Variants in RAPGEF6 observed in about 807,000 individuals in gnomAD.
RAPGEF6 encodes PDZ domain containing guanine nucleotide exchange factor (GEF) 2.
RAPGEF6 carries 56 observed loss-of-function variants against 171.4 expected under a neutral mutation model. The ratio of observed to expected loss-of-function variants is 0.33; its 90% CI spans 0.26 to 0.41. The LOEUF (loss-of-function observed/expected upper bound fraction) is 0.41. RAPGEF6 is among the 10% of genes least tolerant of loss of function. RAPGEF6 has a pLI of 1.00. For missense variants in RAPGEF6, 1,674 were observed against 1,921.4 expected, an observed-to-expected ratio of 0.87 and a Z score of 2.41; for synonymous variants, 692 against 650.1, an observed-to-expected ratio of 1.06 and a Z score of -0.98.
intron 5 of RAPGEF6, among the ~76,000 whole-genome samples, chr5:131,548,532 T>C (rs1269853707): frequency 6.6e-6 from 1 of 152,230 alleles, no homozygotes; most frequent in African/African-American, 2.4e-5. Context: ...TGCCTGATTA[T>C]ACACATATTT....
chr5:131,463,006 T>G (rs1357565945), intron 18 of RAPGEF6, among the ~76,000 whole-genome samples: 1 of 152,214 alleles, frequency 6.6e-6, no homozygotes, highest in Non-Finnish European at 1.5e-5. Flanking sequence ...CATTTAATCC[T>G]TACAACATTC....
At chr5:131,524,609 T>TGAGAGAGAGAGAGAGA (rs55956395) in intron 6 of RAPGEF6, among the ~76,000 whole-genome samples, 2 of 134,906 alleles carry the variant, frequency 1.5e-5, no homozygotes, top group African/African-American at 5.7e-5. Flanking sequence ...AGAGAGAGAT[T>TGAGAGAGAGAGAGAGA]GAGAGAGAGA....
chr5:131,433,483 C>G lies in RAPGEF6; in HGVS notation c.3921G>C (p.Leu1307Phe), dbSNP rs1198362515. ...ALAVPESTGALEKTEHASGIG... is the reference protein window; with the variant it reads ...ALAVPESTGAFEKTEHASGIG... ...TCCCTGAAGCGTGCTCTGTCTTTTC[C>G]AATGCCCCAGTGGATTCAGGGACTG... The change falls in exon 25 of 28, where the codon TTG (leucine) becomes TTC (phenylalanine). Residue 1307 changes from leucine to phenylalanine, a missense_variant. Physicochemically the swap from Leu to Phe is conservative, Grantham distance 22. Coordinates refer to ENST00000509018, the MANE Select transcript of RAPGEF6 (RefSeq NM_016340.6). 6.2e-7 allele frequency: 1 copy of G among 1,613,954 alleles called. No individual in the cohort carries two copies.
At chr5:131,518,159 T>A (rs1758221696) in intron 7 of RAPGEF6, among the ~76,000 whole-genome samples, 1 of 151,932 alleles carries the variant, frequency 6.6e-6, no homozygotes, top group Non-Finnish European at 1.5e-5. Context: ...CAGGTATATA[T>A]ATTTATTTAA....
At chr5:131,517,363 T>C (rs1019722357) in intron 7 of RAPGEF6, among the ~76,000 whole-genome samples, 3 of 151,712 alleles carry the variant, frequency 2.0e-5, no homozygotes, top group Admixed American at 6.6e-5. Context: ...AATCTATATA[T>C]AGTCTTCTGC....
In RAPGEF6 at chr5:131,592,373, G is replaced by A. The variant is rs1479413006; in HGVS notation, c.281+10C>T. On this transcript the variant is annotated intron_variant, in intron 4 of 27. Coordinates refer to ENST00000509018, the MANE Select transcript of RAPGEF6 (RefSeq NM_016340.6). ...TAACTTTGCCTGCCATATAGCAAAT[G>A]TAAACGTACCTGCAAGGAGGCAAGA... The A allele has an allele frequency of 6.2e-7, 1 of 1,612,506 alleles. No homozygotes were observed. The highest frequency in any genetic ancestry group is 8.5e-7 in the Non-Finnish European group (1 of 1,179,088).
chr5:131,614,691 A>G (rs935176901), intron 1 of RAPGEF6, among the ~76,000 whole-genome samples: 4 of 152,216 alleles, frequency 2.6e-5, no homozygotes, highest in African/African-American at 9.7e-5. Flanking sequence ...GGTCTACAAC[A>G]TACGCAATGG....
intron 7 of RAPGEF6, among the ~76,000 whole-genome samples, chr5:131,517,190 C>T (rs1425754487): frequency 1.3e-5 from 2 of 152,116 alleles, no homozygotes; most frequent in African/African-American, 4.8e-5. Context: ...GTGATGGGAT[C>T]ATTCGAACCC....
chr5:131,538,836 G>A (rs951358818), intron 6 of RAPGEF6, among the ~76,000 whole-genome samples: 1 of 152,092 alleles, frequency 6.6e-6, no homozygotes, highest in African/African-American at 2.4e-5. Flanking sequence ...AGTTTTAGTT[G>A]TATCACTTCT....
chr5:131,562,136 G>T (rs1201597610), intron 4 of RAPGEF6, 89 bp from the exon 5 acceptor site: 22 of 833,552 alleles, frequency 2.6e-5, no homozygotes, highest in Non-Finnish European at 4.1e-5. Context: ...CAACAAAAAA[G>T]CCCTGAGATA....
intron 1 of RAPGEF6, among the ~76,000 whole-genome samples, chr5:131,631,937 G>A (rs758653961): frequency 2.6e-5 from 4 of 152,132 alleles, no homozygotes; most frequent in African/African-American, 7.2e-5. Context: ...TTAGCCGGGC[G>A]TGTTGGCACA....
chr5:131,495,667 A>C lies in RAPGEF6; in HGVS notation c.1420-7T>G, dbSNP rs746345255. 2 of 1,610,622 alleles carry C rather than the reference A, an allele frequency of 1.2e-6. No homozygotes were observed. Among genetic ancestry groups the C allele is most frequent in the Non-Finnish European group, 1.7e-6 (2 of 1,178,108 alleles). On this transcript the variant is annotated splice_polypyrimidine_tract_variant and splice_region_variant and intron_variant, in intron 12 of 27. Coordinates refer to ENST00000509018, the MANE Select transcript of RAPGEF6 (RefSeq NM_016340.6). ...ATAATACAATCCGTGTCACCTGTGGAAACATAAAAGAGGCAGCATATGGTT... is the reference window on the plus strand; with the variant it reads ...ATAATACAATCCGTGTCACCTGTGGCAACATAAAAGAGGCAGCATATGGTT...
intron 25 of RAPGEF6, among the ~76,000 whole-genome samples, chr5:131,432,607 A>T (rs1479550777): frequency 6.6e-6 from 1 of 151,926 alleles, no homozygotes; most frequent in Non-Finnish European, 1.5e-5. Context: ...AACAAGAGTG[A>T]CACTCTGTCT....
chr5:131,435,872 G>A, intron 24 of RAPGEF6: 1 of 1,443,610 alleles, frequency 6.9e-7, no homozygotes, highest in Non-Finnish European at 9.1e-7. Context: ...CCTAAGCTTT[G>A]ACAAATGGTT....
chr5:131,493,277 G>A (rs1561508747), intron 13 of RAPGEF6, among the ~76,000 whole-genome samples: 1 of 152,044 alleles, frequency 6.6e-6, no homozygotes. Flanking sequence ...TGTTAGCCAC[G>A]ATGGTCTTGA....
At chr5:131,565,876 T>C (rs941836166) in intron 4 of RAPGEF6, among the ~76,000 whole-genome samples, 3 of 152,216 alleles carry the variant, frequency 2.0e-5, no homozygotes, top group Non-Finnish European at 4.4e-5. Context: ...CCAGGTATAG[T>C]GGCTCACGCC....
chr5:131,546,023 A>C (rs923351257), intron 6 of RAPGEF6, among the ~76,000 whole-genome samples: 5 of 152,224 alleles, frequency 3.3e-5, no homozygotes, highest in Non-Finnish European at 7.4e-5. Flanking sequence ...GACAACTCTC[A>C]GTACAGAGGA....
intron 1 of RAPGEF6, among the ~76,000 whole-genome samples, chr5:131,606,745 T>C (rs539851290): frequency 1.3e-5 from 2 of 152,104 alleles, no homozygotes; most frequent in African/African-American, 4.8e-5. Context: ...AGAAGTGAGG[T>C]TGTATAAAAG....
chr5:131,604,045 C>A (rs911736146), intron 2 of RAPGEF6, among the ~76,000 whole-genome samples: 10 of 151,908 alleles, frequency 6.6e-5, no homozygotes, highest in Non-Finnish European at 1.0e-4. Context: ...ATAGCCAGCC[C>A]ATTTTTCAGA....
Sources: allele counts gnomAD v4.1 joint callset (sites outside exome capture counted in the v4.1 genomes callset), GRCh38; gene constraint gnomAD v4.1.1; transcripts MANE v1.5; gene names NCBI Gene and HGNC (gene_info 2026-07-23, HGNC 2026-07-21).